The following HMCES variants were observed in gnomAD, a reference collection of about 807,000 sequenced individuals.
The protein encoded by HMCES is 5-hydroxymethylcytosine binding, ES cell specific.
HMCES carries 27 observed loss-of-function variants against 35.1 expected under a neutral mutation model. The observed-to-expected ratio is 0.77, with a 90% CI of 0.57 to 1.06. HMCES has a LOEUF of 1.06. HMCES is among the 50% of genes least tolerant of loss of function. HMCES has a pLI of 0.00. For missense variants in HMCES, 391 were observed against 430.4 expected, an observed-to-expected ratio of 0.91 and a Z score of 0.81; for synonymous variants, 130 against 154.7, an observed-to-expected ratio of 0.84 and a Z score of 1.18.
rs148008790 is a variant in HMCES, at chr3:129,302,125, G to A, written c.811G>A (p.Asp271Asn). ...NNTPECLAPV[D>N]LVVKKELRAS... is the part of the protein sequence containing the mutation. ...CACTCCTGAGTGTCTGGCTCCTGTC[G>A]ACTTGGTGGTCAAAAAGGTAGGGGC... is the stretch of plus-strand genomic sequence containing the variant. Residue 271 changes from aspartate to asparagine, a missense_variant, in exon 6 of 7, where the codon GAC (aspartate) becomes AAC (asparagine). Coordinates refer to ENST00000383463, the MANE Select transcript of HMCES (RefSeq NM_020187.3). 115 of 1,612,086 alleles carry A rather than the reference G, an allele frequency of 7.1e-5. No individual in the cohort carries two copies. Among genetic ancestry groups the A allele is most frequent in the Middle Eastern group, 1.6e-4 (1 of 6,082 alleles).
intron 5 of HMCES, among the ~76,000 whole-genome samples, chr3:129,299,996 T>G (rs1031444373): frequency 2.0e-5 from 3 of 151,950 alleles, no homozygotes; most frequent in Non-Finnish European, 4.4e-5. Context: ...TGATGTGGAC[T>G]CCTTGATATC....
chr3:129,290,633 CATG>C, intron 3 of HMCES, 43 bp from the exon 4 acceptor site: 1 of 1,575,074 alleles, frequency 6.3e-7, no homozygotes, highest in Non-Finnish European at 8.7e-7. Flanking sequence ...GCCTGTGAAA[CATG>C]ATTGTATCAC....
At chr3:129,302,367 C>T (rs2071180282) in intron 6 of HMCES, among the ~76,000 whole-genome samples, 1 of 152,194 alleles carries the variant, frequency 6.6e-6, no homozygotes, top group African/African-American at 2.4e-5. Flanking sequence ...ATGCTAGACC[C>T]TATCTAGACA....
intron 6 of HMCES, among the ~76,000 whole-genome samples, chr3:129,302,777 C>T (rs976049672): frequency 1.3e-5 from 2 of 151,566 alleles, no homozygotes; most frequent in African/African-American, 2.4e-5. Context: ...ACTTAGAAGG[C>T]AGAGGTGGGA....
intron 2 of HMCES, 123 bp from the exon 3 acceptor site, chr3:129,288,731 C>T (rs1039474542): frequency 7.3e-6 from 6 of 822,980 alleles, no homozygotes; most frequent in Non-Finnish European, 1.0e-5. Flanking sequence ...AGTAGATTCC[C>T]TGTTTAAAAA....
At chr3:129,284,355 C>T (rs1216950695) in intron 2 of HMCES, among the ~76,000 whole-genome samples, 5 of 152,180 alleles carry the variant, frequency 3.3e-5, no homozygotes, top group Non-Finnish European at 7.3e-5. Flanking sequence ...AAGCTTTAGT[C>T]AGGCATGAGT....
intron 2 of HMCES, among the ~76,000 whole-genome samples, chr3:129,283,697 G>A (rs575344795): frequency 6.6e-6 from 1 of 152,112 alleles, no homozygotes; most frequent in Non-Finnish European, 1.5e-5. Flanking sequence ...GGGTGTGGTG[G>A]TGCATGCCTG....
At chr3:129,298,976 C>G (rs1438526004) in intron 5 of HMCES, among the ~76,000 whole-genome samples, 1 of 152,142 alleles carries the variant, frequency 6.6e-6, no homozygotes, top group African/African-American at 2.4e-5. Context: ...AACCCCGTCT[C>G]TACTAAAAAT....
At chr3:129,295,413 G>A (rs1020419165) in intron 4 of HMCES, among the ~76,000 whole-genome samples, 34 of 150,102 alleles carry the variant, frequency 2.3e-4, no homozygotes, top group African/African-American at 8.2e-4. Flanking sequence ...CTCCAGCCTA[G>A]GTGACACAGT....
chr3:129,296,251 G>A (rs1487567072), intron 4 of HMCES, among the ~76,000 whole-genome samples: 2 of 152,114 alleles, frequency 1.3e-5, no homozygotes, highest in East Asian at 3.9e-4. Flanking sequence ...AGTAGAGACG[G>A]GGTTTGATAA....
At chr3:129,303,734 CT>C (rs901016081) in intron 6 of HMCES, among the ~76,000 whole-genome samples, 54 of 145,060 alleles carry the variant, frequency 3.7e-4, no homozygotes, top group African/African-American at 4.5e-4. Flanking sequence ...CTGCCATGGT[CT>C]TTTTTTTTTT....
chr3:129,300,589 A>G (rs1470466978), intron 5 of HMCES, among the ~76,000 whole-genome samples: 7 of 152,138 alleles, frequency 4.6e-5, no homozygotes, highest in Admixed American at 1.3e-4. Flanking sequence ...GTCCTAGGCT[A>G]TATCTGTGAA....
At chr3:129,296,607 T>C (rs2071095860) in intron 4 of HMCES, among the ~76,000 whole-genome samples, 1 of 152,164 alleles carries the variant, frequency 6.6e-6, no homozygotes, top group Non-Finnish European at 1.5e-5. Context: ...TTGTAATTTT[T>C]TATTGTTGCC....
In HMCES at chr3:129,304,829, A is replaced by G. The variant is rs2071216447; in HGVS notation, c.*4A>G. ...CAAGCGTCCTTACAGCCAGTGACAC[A>G]GGACTTTCAGAGACCAAGGCCAGGG... On this transcript the variant is annotated 3_prime_UTR_variant, in exon 7 of 7. Transcript: ENST00000383463. The G allele has an allele frequency of 1.2e-6, 2 of 1,611,476 alleles. No individual in the cohort carries two copies. Among genetic ancestry groups the G allele is most frequent in the South Asian group, 2.2e-5 (2 of 90,996 alleles).
intron 4 of HMCES, among the ~76,000 whole-genome samples, chr3:129,295,557 C>CTT (rs1332410077): frequency 6.6e-6 from 1 of 152,170 alleles, no homozygotes; most frequent in African/African-American, 2.4e-5. Context: ...ACCTCCCTGT[C>CTT]TTTAACCCCT....
At chr3:129,296,338 G>A (rs1048130878) in intron 4 of HMCES, among the ~76,000 whole-genome samples, 1 of 152,198 alleles carries the variant, frequency 6.6e-6, no homozygotes, top group African/African-American at 2.4e-5. Context: ...TGGGATTACA[G>A]GCATGAGCCT....
chr3:129,302,862 A>C (rs949069198), intron 6 of HMCES, among the ~76,000 whole-genome samples: 1 of 152,122 alleles, frequency 6.6e-6, no homozygotes, highest in African/African-American at 2.4e-5. Context: ...AAAAGGAAAA[A>C]AAAAAAAGCT....
chr3:129,279,569 G>T lies in HMCES; in HGVS notation c.-23-141G>T, dbSNP rs1940403070. On this transcript the variant is annotated intron_variant, in intron 1 of 6. Transcript: ENST00000383463. This position sits in a 1 kb window ranked among gnomAD's most constrained non-coding sequence, Gnocchi z 4.2. ...CAAACGGGCACATCCTTGTCTTTGT[G>T]GGACTTTTTGGGGAAGACTTTAGAC... The T allele has an allele frequency of 6.3e-6, 5 of 797,308 alleles. No homozygotes were observed. Among genetic ancestry groups the T allele is most frequent in the Non-Finnish European group, 9.8e-6 (5 of 507,792 alleles). The allele number at this position is 797,308 out of a possible 1,614,324, so 49.4% of individuals were successfully genotyped here. A position where few individuals can be genotyped will look rare whatever the true frequency, so the allele number is the denominator to read the frequency against.
At chr3:129,300,999 C>G (rs987274760) in intron 5 of HMCES, among the ~76,000 whole-genome samples, 4 of 149,456 alleles carry the variant, frequency 2.7e-5, no homozygotes, top group African/African-American at 7.6e-5. Context: ...CCATTGAACT[C>G]CAGCCTGGGC....
Sources: gnomAD v4.1 joint callset for allele counts (sites outside exome capture counted in the v4.1 genomes callset) on GRCh38, gnomAD v4.1.1 for gene constraint, Gnocchi (gnomAD v3.1) non-coding constraint, MANE v1.5 for transcripts, NCBI Gene and HGNC (gene_info 2026-07-23, HGNC 2026-07-21) for gene names.